The following SHOC1 variants were observed in gnomAD, a reference collection of about 807,000 sequenced individuals.
The protein encoded by SHOC1 is shortage in chiasmata 1, also known as protein shortage in chiasmata 1 ortholog.
Under a neutral mutation model 179.2 loss-of-function variants are expected in SHOC1, and 136 were observed. The observed-to-expected ratio is 0.76, with a 90% CI of 0.66 to 0.87. SHOC1 has a LOEUF of 0.87. Ranked by LOEUF, SHOC1 falls within the 40% of genes least tolerant of loss-of-function variation. The pLI is 0.00. For synonymous variants in SHOC1, 489 were observed against 586.6 expected, an observed-to-expected ratio of 0.83 and a Z score of 2.41; for missense variants, 1,538 against 1,700.8, an observed-to-expected ratio of 0.90 and a Z score of 1.68.
chr9:111,713,356 CA>C (rs796523733), intron 17 of SHOC1, among the ~76,000 whole-genome samples, 184 bp from the exon 18 acceptor site: 13 of 152,222 alleles, frequency 8.5e-5, no homozygotes, highest in African/African-American at 3.1e-4. Context: ...CTGGTAAGAT[CA>C]AATATCAGTG....
intron 8 of SHOC1, among the ~76,000 whole-genome samples, chr9:111,755,657 G>A (rs1205366660): frequency 6.6e-6 from 1 of 152,062 alleles, no homozygotes; most frequent in Non-Finnish European, 1.5e-5. Context: ...AGCTCTTTAT[G>A]GTGAGCCTCT....
At chr9:111,750,487 AC>A (rs1182385404) in intron 8 of SHOC1, among the ~76,000 whole-genome samples, 1 of 152,030 alleles carries the variant, frequency 6.6e-6, no homozygotes, top group African/African-American at 2.4e-5. Flanking sequence ...GGCACTTACA[AC>A]CATGCCTGGC....
intron 21 of SHOC1, 109 bp downstream of exon 21, chr9:111,705,138 A>G (rs1589384698): frequency 2.2e-6 from 1 of 450,046 alleles, no homozygotes; most frequent in Non-Finnish European, 4.0e-6. Flanking sequence ...AGACACATAT[A>G]CAGCATAATA....
intron 23 of SHOC1, among the ~76,000 whole-genome samples, chr9:111,701,761 C>T (rs973008145): frequency 1.4e-4 from 22 of 152,060 alleles, no homozygotes; most frequent in Non-Finnish European, 2.4e-4. Context: ...TAGACTCTTA[C>T]GTTCGAACTT....
intron 10 of SHOC1, among the ~76,000 whole-genome samples, chr9:111,745,821 A>G (rs1834250307): frequency 6.6e-6 from 1 of 152,248 alleles, no homozygotes; most frequent in Non-Finnish European, 1.5e-5. Flanking sequence ...AGACAGTGCC[A>G]TTAGCAAGTG....
At chr9:111,743,052 T>C (rs1228050296) in intron 10 of SHOC1, among the ~76,000 whole-genome samples, 1 of 152,192 alleles carries the variant, frequency 6.6e-6, no homozygotes, top group Non-Finnish European at 1.5e-5. Context: ...AGACTTTTCT[T>C]TTTTAGCCCA....
In SHOC1 at chr9:111,721,155, T is replaced by C. The variant is rs74384013; in HGVS notation, c.2131+1254A>G. ...TCTAGGGATAATTATCCCCCACTAC[T>C]GAGGCAAGATTTTTCTGAGTATTCT... is the stretch of plus-strand genomic sequence containing the variant. On this transcript the variant is annotated intron_variant, in intron 15 of 27. Coordinates refer to ENST00000682961, the MANE Select transcript of SHOC1 (RefSeq NM_001378211.1). Among the ~76,000 whole-genome samples, 95 of 152,314 alleles carry C rather than the reference T, an allele frequency of 6.2e-4. 1 individual carries two copies. The highest frequency in any genetic ancestry group is 2.2e-3 in the African/African-American group (93 of 41,562).
chr9:111,736,320 T>C (rs918807473), intron 12 of SHOC1, among the ~76,000 whole-genome samples: 3 of 152,032 alleles, frequency 2.0e-5, no homozygotes, highest in African/African-American at 4.8e-5. Flanking sequence ...AACTATACTA[T>C]AGGGCTAGGG....
At chr9:111,744,453 AG>A (rs1344396336) in intron 10 of SHOC1, among the ~76,000 whole-genome samples, 5 of 152,346 alleles carry the variant, frequency 3.3e-5, no homozygotes, top group African/African-American at 1.2e-4. Context: ...AGATATATTT[AG>A]GGCCCTCAGT....
chr9:111,702,633 T>C (rs1053023417), intron 22 of SHOC1, among the ~76,000 whole-genome samples: 1 of 152,206 alleles, frequency 6.6e-6, no homozygotes, highest in Non-Finnish European at 1.5e-5. Context: ...GTTTAAAACC[T>C]ATGAGATGAT....
intron 5 of SHOC1, among the ~76,000 whole-genome samples, chr9:111,774,118 C>G (rs959835693): frequency 6.6e-6 from 1 of 152,100 alleles, no homozygotes; most frequent in African/African-American, 2.4e-5. Flanking sequence ...TAGTTTGCCA[C>G]ATTTATACTA....
At chr9:111,781,930 GA>G (rs1237973653) in intron 3 of SHOC1, among the ~76,000 whole-genome samples, 1 of 151,964 alleles carries the variant, frequency 6.6e-6, no homozygotes, top group Non-Finnish European at 1.5e-5. Flanking sequence ...GTGCCTCATT[GA>G]AAAACATGAA....
chr9:111,754,561 A>T (rs1303133240), intron 8 of SHOC1, among the ~76,000 whole-genome samples: 9 of 152,208 alleles, frequency 5.9e-5, no homozygotes, highest in Non-Finnish European at 1.0e-4. Context: ...ATTCCTCAAA[A>T]AGTTAAACAT....
Position 111,746,274 on chromosome 9 carries a change from T to C in SHOC1, c.1039A>G (p.Thr347Ala), listed in dbSNP as rs1264899374. The C allele has an allele frequency of 1.2e-6, 2 of 1,612,010 alleles. No individual in the cohort carries two copies. Among genetic ancestry groups the C allele is most frequent in the South Asian group, 2.2e-5 (2 of 91,000 alleles). The change falls in exon 10 of 28, where the codon ACA becomes GCA. Residue 347 changes from threonine (T) to alanine (A), a missense_variant. Thr to Ala is a moderately conservative substitution (Grantham distance 58). Coordinates refer to ENST00000682961, the MANE Select transcript of SHOC1 (RefSeq NM_001378211.1). ...GATAATGGAAATGTCTGAAGTTCTG[T>C]ACGTAATGAATTCACTGAAGAATGT... is the stretch of plus-strand genomic sequence containing the variant. ...CQHSSVNSLR[T>A]ELQTFPLSPV... is the part of the protein sequence containing the mutation.
At chr9:111,693,090 G>T (rs13298916) in intron 26 of SHOC1, among the ~76,000 whole-genome samples, 34,374 of 151,970 alleles carry the variant, frequency 0.23, 4,902 homozygotes, top group East Asian at 0.35. Context: ...TAGATCACTT[G>T]AGGTCAGGAG....
At chr9:111,776,110 C>A in intron 4 of SHOC1, 135 bp from the exon 5 acceptor site, 1 of 647,946 alleles carries the variant, frequency 1.5e-6, no homozygotes, top group Non-Finnish European at 2.6e-6. Flanking sequence ...ATATTCCCAT[C>A]ATTCAAGATA....
chr9:111,771,067 T>G (rs915435156), intron 5 of SHOC1, among the ~76,000 whole-genome samples: 1 of 152,160 alleles, frequency 6.6e-6, no homozygotes, highest in Admixed American at 6.5e-5. Flanking sequence ...TATTTTCTGA[T>G]AGTTTTAAGA....
rs759972110 is a variant in SHOC1 at position 111,718,240 on chromosome 9, T to A, written c.2180A>T (p.His727Leu). 2.6e-5 allele frequency: 42 copies of A among 1,599,766 alleles called. No individual in the cohort carries two copies. Among genetic ancestry groups the A allele is most frequent in the Non-Finnish European group, 3.6e-5 (42 of 1,175,092 alleles). Residue 727 changes from histidine to leucine, a missense_variant, in exon 16 of 28, where the codon CAT becomes CTT. Transcript: ENST00000682961. ...GACATCTCTAATTGTTACCAGAAGA[T>A]GTAAGAGAGCGGCATGCTTGAAAGT... The part of the protein sequence containing the change: ...EMTFKHAALL[H>L]LLVTIRDVLL...
chr9:111,779,613 TA>T (rs1835961203), intron 4 of SHOC1, among the ~76,000 whole-genome samples: 1 of 151,634 alleles, frequency 6.6e-6, no homozygotes, highest in African/African-American at 2.4e-5. Context: ...CTCCTAGTTA[TA>T]AATGCACAGC....
Sources: allele counts gnomAD v4.1 joint callset (sites outside exome capture counted in the v4.1 genomes callset), GRCh38; gene constraint gnomAD v4.1.1; transcripts MANE v1.5; gene names NCBI Gene and HGNC (gene_info 2026-07-23, HGNC 2026-07-21).